NEK5: variants seen among roughly 807,000 people sequenced by gnomAD.
The protein encoded by NEK5 is NIMA related kinase 5.
Under a neutral mutation model 109.2 loss-of-function variants are expected in NEK5, and 88 were observed. The ratio of observed to expected loss-of-function variants is 0.81; its 90% confidence interval spans 0.68 to 0.96. The LOEUF (loss-of-function observed/expected upper bound fraction) is 0.96, where lower values mean the gene tolerates loss of function less well. Ranked by LOEUF, NEK5 falls within the 40% of genes least tolerant of loss-of-function variation. The pLI is 0.00. For missense variants in NEK5, 834 were observed against 920.7 expected (o/e 0.91, Z 1.22); for synonymous variants, 283 against 299.9 (o/e 0.94, Z 0.58).
chr13:52,065,162 C>CA, intron 21 of NEK5: 1 of 408,354 alleles, frequency 2.4e-6, no homozygotes, highest in Admixed American at 3.8e-5. Flanking sequence ...TATGAAATCG[C>CA]AAAAAAAGTT....
At chr13:52,074,664 C>CA (rs1431537064) in intron 19 of NEK5, among the ~76,000 whole-genome samples, 4 of 151,980 alleles carry the variant, frequency 2.6e-5, no homozygotes, top group Admixed American at 1.3e-4. Flanking sequence ...TTCTGCACAG[C>CA]AAAAGAAACT....
intron 22 of NEK5, among the ~76,000 whole-genome samples, chr13:52,054,890 A>G (rs1455990377): frequency 1.4e-3 from 211 of 148,186 alleles, no homozygotes; most frequent in South Asian, 3.5e-3. Flanking sequence ...AAAGCAGAGC[A>G]CCTCTCCTCC....
intron 21 of NEK5, among the ~76,000 whole-genome samples, chr13:52,064,145 G>A (rs1954645344): frequency 7.0e-6 from 1 of 142,394 alleles, no homozygotes; most frequent in Non-Finnish European, 1.5e-5. Flanking sequence ...GAGCCCCTCT[G>A]CCTGGCCAGC....
At chr13:52,088,610 A>G (rs551240527) in intron 14 of NEK5, among the ~76,000 whole-genome samples, 1 of 152,160 alleles carries the variant, frequency 6.6e-6, no homozygotes, top group Admixed American at 6.5e-5. Flanking sequence ...CCAAAGCACT[A>G]CAGCACTGCA....
Position 52,036,965 on chromosome 13 carries a change from G to C in NEK5, c.2482C>G (p.Gln828Glu). 2.5e-5 allele frequency: 25 copies of C among 984,922 alleles called. No individual in the cohort carries two copies. Among genetic ancestry groups the C allele is most frequent in the Non-Finnish European group, 3.0e-5 (25 of 829,552 alleles). The allele number at this position is 984,922 out of a possible 1,614,324, so 61.0% of individuals were successfully genotyped here. ...TACAATAATCACACTTGTATATTTT[G>C]ACTGGTTGTTGATGTTCCTTGGTCT... ...DEDQGTSTTS[Q>E]NIQV Residue 828 changes from glutamine (Q) to glutamate (E), a missense_variant, in exon 24 of 24, where the codon CAA becomes GAA. Around this residue, in one of 2 missense-constraint regions of NEK5, gnomAD observed 57 missense variants for 96.0 expected, o/e 0.59. Transcript: ENST00000684899.
chr13:52,043,305 G>A (rs1046753922), intron 23 of NEK5, among the ~76,000 whole-genome samples: 1 of 152,034 alleles, frequency 6.6e-6, no homozygotes, highest in African/African-American at 2.4e-5. Flanking sequence ...TTGGGAGGCT[G>A]AGGTGGGTGA....
In NEK5 at chr13:52,093,124, T is replaced by C. The variant is rs747732221; in HGVS notation, c.1138A>G (p.Ile380Val). 60 of 1,613,612 alleles carry C rather than the reference T, an allele frequency of 3.7e-5. No homozygotes were observed. Among genetic ancestry groups the C allele is most frequent in the African/African-American group, 1.2e-4 (9 of 74,916 alleles). ...RRAHKPSYHP[I>V]PQENTGVEDY... ...TCAACTCCAGTATTTTCTTGAGGAATAGGGTGATAACTTGGTTTGTGGGCT... is the reference window on the plus strand; with the variant it reads ...TCAACTCCAGTATTTTCTTGAGGAACAGGGTGATAACTTGGTTTGTGGGCT... Residue 380 changes from isoleucine (I) to valine (V), a missense_variant, in exon 13 of 24, where the codon ATT becomes GTT. Ile to Val is a conservative substitution (Grantham distance 29, BLOSUM62 3). Transcript: ENST00000684899.
At chr13:52,084,431 C>G (rs1955076371) in intron 16 of NEK5, among the ~76,000 whole-genome samples, 2 of 152,082 alleles carry the variant, frequency 1.3e-5, no homozygotes, top group Admixed American at 1.3e-4. Flanking sequence ...GTTGCCCAGG[C>G]CGGTCTCAAA....
chr13:52,089,174 G>A, intron 14 of NEK5, 73 bp downstream of exon 14: 1 of 959,114 alleles, frequency 1.0e-6, no homozygotes, highest in Admixed American at 1.9e-5. Flanking sequence ...AATGAACTTT[G>A]ACTTGAAAAT....
chr13:52,049,082 T>C (rs1016079623), intron 23 of NEK5, among the ~76,000 whole-genome samples: 1 of 152,220 alleles, frequency 6.6e-6, no homozygotes, highest in Non-Finnish European at 1.5e-5. Context: ...AAACATCATG[T>C]TGTATACCGT....
intron 22 of NEK5, among the ~76,000 whole-genome samples, chr13:52,051,250 C>G (rs1954503623): frequency 6.6e-6 from 1 of 151,960 alleles, no homozygotes; most frequent in Admixed American, 6.6e-5. Flanking sequence ...CAACTTCTCA[C>G]TGGCCTTTTA....
chr13:52,095,771 G>C (rs1955398383), intron 12 of NEK5, among the ~76,000 whole-genome samples: 1 of 152,190 alleles, frequency 6.6e-6, no homozygotes, highest in Non-Finnish European at 1.5e-5. Context: ...CGGTAGTATA[G>C]CTATTCAGGA....
chr13:52,063,684 C>T (rs1362105386), intron 21 of NEK5, among the ~76,000 whole-genome samples: 5 of 150,288 alleles, frequency 3.3e-5, no homozygotes, highest in Non-Finnish European at 7.4e-5. Flanking sequence ...TCTGCCCTGC[C>T]GCCCCGTCTG....
intron 21 of NEK5, chr13:52,064,914 T>C (rs1954662282): frequency 1.2e-5 from 3 of 258,806 alleles, no homozygotes; most frequent in Admixed American, 9.9e-5. Flanking sequence ...AAACAGATGC[T>C]TGAAGGCAGC....
chr13:52,115,229 C>G (rs1190501542), intron 4 of NEK5, among the ~76,000 whole-genome samples: 1 of 151,824 alleles, frequency 6.6e-6, no homozygotes, highest in Non-Finnish European at 1.5e-5. Context: ...TCTCGATCTC[C>G]TGACCTCGTG....
At chr13:52,042,416 G>T (rs1223816550) in intron 23 of NEK5, among the ~76,000 whole-genome samples, 2 of 149,998 alleles carry the variant, frequency 1.3e-5, no homozygotes, top group Non-Finnish European at 3.0e-5. Context: ...TTTGAAAAAA[G>T]GTAAAATTGG....
In NEK5 at chr13:52,114,807, T is replaced by A. The variant is rs368461946; in HGVS notation, c.215-2442A>T. On this transcript the variant is annotated intron_variant, in intron 4 of 23. Coordinates refer to ENST00000684899, the MANE Select transcript of NEK5 (RefSeq NM_001365552.1). ...AATGTGTTACTTTTAGGAGAATTGATGTTTCTTGTCATTGAAGCTCAGTCA... is the reference window on the plus strand; with the variant it reads ...AATGTGTTACTTTTAGGAGAATTGAAGTTTCTTGTCATTGAAGCTCAGTCA... 5.3e-5 allele frequency among the ~76,000 whole-genome samples: 8 copies of A among 152,296 alleles called. No individual in the cohort carries two copies. In the South Asian group the frequency reaches 1.5e-3, roughly 28 times the overall value.
intron 17 of NEK5, among the ~76,000 whole-genome samples, chr13:52,079,499 G>A (rs985603375): frequency 2.0e-5 from 3 of 152,248 alleles, no homozygotes; most frequent in Admixed American, 6.5e-5. Context: ...ACGGGGTTTC[G>A]CTGTGTTGGC....
At chr13:52,064,469 C>A (rs1378546566) in intron 21 of NEK5, among the ~76,000 whole-genome samples, 3 of 144,390 alleles carry the variant, frequency 2.1e-5, no homozygotes, top group African/African-American at 5.1e-5. Context: ...GCCCCCCGCC[C>A]GGCCAGCCGC....
Sources: gnomAD v4.1 joint callset for allele counts (sites outside exome capture counted in the v4.1 genomes callset) on GRCh38, gnomAD v4.1.1 for gene constraint, gnomAD v4.1.1 regional missense constraint, MANE v1.5 for transcripts, NCBI Gene and HGNC (gene_info 2026-07-23, HGNC 2026-07-21) for gene names.